The following FGF13 variants were observed in gnomAD, a reference collection of about 807,000 sequenced individuals.
FGF13 encodes fibroblast growth factor homologous factor 2.
In FGF13, 2 loss-of-function variants were observed where a neutral mutation model predicts 19.5. The observed-to-expected ratio is 0.10, with a 90% confidence interval of 0.04 to 0.32. The LOEUF is 0.32. Among genes scored for constraint, FGF13 ranks in the 10% least tolerant of loss-of-function variants. FGF13 has a pLI of 1.00. For missense variants in FGF13, 113 were observed against 192.7 expected (o/e 0.59, Z 2.45); for synonymous variants, 72 against 76.9 (o/e 0.94, Z 0.33).
At chrX:138,970,131 C>T (rs973100803) in intron 1 of FGF13, among the ~76,000 whole-genome samples, 1 of 111,434 alleles carries the variant, frequency 9.0e-6, no homozygotes. Flanking sequence ...CCTATTTATT[C>T]CTCATGGTAG....
At chrX:138,818,017 A>T (rs181239122) in intron 3 of FGF13, among the ~76,000 whole-genome samples, 1 of 110,973 alleles carries the variant, frequency 9.0e-6, no homozygotes, top group African/African-American at 3.3e-5. Context: ...CAGTTTGCAC[A>T]CTCCTGGTCT....
intron 1 of FGF13, among the ~76,000 whole-genome samples, chrX:138,970,961 T>C (rs1053891066): frequency 1.8e-5 from 2 of 111,920 alleles, no homozygotes; most frequent in Non-Finnish European, 3.8e-5. Context: ...AAGAGTAAAA[T>C]TCAAAAACCT....
intron 1 of FGF13, among the ~76,000 whole-genome samples, chrX:139,146,620 C>T (rs1358307663): frequency 6.3e-5 from 7 of 111,937 alleles, no homozygotes; most frequent in African/African-American, 2.3e-4. Context: ...CATTACTGGG[C>T]ATATACCCAA....
At chrX:138,778,467 C>T (rs932775014) in intron 3 of FGF13, among the ~76,000 whole-genome samples, 8 of 111,958 alleles carry the variant, frequency 7.1e-5, no homozygotes, top group East Asian at 2.8e-4. Context: ...GCACACCGTG[C>T]GCGAGCCGAA....
At chrX:139,025,484 T>C (rs1041536387) in intron 1 of FGF13, among the ~76,000 whole-genome samples, 2 of 111,137 alleles carry the variant, frequency 1.8e-5, no homozygotes, top group African/African-American at 6.5e-5. Context: ...CATTCAAGAG[T>C]GAGGACAGTG....
intron 1 of FGF13, among the ~76,000 whole-genome samples, chrX:138,916,737 T>C (rs2091620008): frequency 8.9e-6 from 1 of 112,259 alleles, no homozygotes; most frequent in African/African-American, 3.2e-5. Context: ...GAGACCAATA[T>C]GAGCAGAAGC....
intron 1 of FGF13, among the ~76,000 whole-genome samples, chrX:139,011,518 G>T (rs1255588461): frequency 9.0e-6 from 1 of 111,525 alleles, no homozygotes; most frequent in African/African-American, 3.3e-5. Context: ...TACTTGGGAT[G>T]CAGGGATAGT....
intron 3 of FGF13, among the ~76,000 whole-genome samples, chrX:138,666,416 A>G (rs1003309547): frequency 1.3e-4 from 15 of 112,072 alleles, no homozygotes; most frequent in African/African-American, 4.5e-4. Context: ...AGTACGTATG[A>G]CAATAATTGA....
intron 1 of FGF13, among the ~76,000 whole-genome samples, chrX:138,735,237 G>A (rs1212948792): frequency 3.6e-5 from 4 of 111,828 alleles, no homozygotes; most frequent in Non-Finnish European, 5.6e-5. Flanking sequence ...TTGTATTTAC[G>A]CAGAGATGCA....
intron 1 of FGF13, among the ~76,000 whole-genome samples, chrX:138,922,826 T>G (rs1303736526): frequency 8.9e-6 from 1 of 112,114 alleles, no homozygotes; most frequent in Non-Finnish European, 1.9e-5. Flanking sequence ...CATTTCTTTG[T>G]AAGATGCCCC....
chrX:138,746,400 C>A (rs1261120094), intron 3 of FGF13, among the ~76,000 whole-genome samples: 1 of 110,065 alleles, frequency 9.1e-6, no homozygotes, highest in African/African-American at 3.3e-5. Context: ...CCTACCAGAA[C>A]CTAGATCATT....
chrX:138,903,443 A>T (rs1298723721), intron 1 of FGF13, among the ~76,000 whole-genome samples: 1 of 111,835 alleles, frequency 8.9e-6, no homozygotes, highest in African/African-American at 3.3e-5. Flanking sequence ...GGTGGTTGGT[A>T]TCTTTGTTTC....
rs1480563377 is a variant in FGF13, at chrX:139,088,303, G to A, written c.-113+115113C>T. ...TAAGCTTTAGAACAAACAAGATTAA[G>A]GAGTTCAGTTTGTTTCTTGCCTATC... is the stretch of plus-strand genomic sequence containing the variant. On this transcript the variant is annotated intron_variant, in intron 1 of 2. Coordinates refer to the FGF13 transcript ENST00000421460. Among the ~76,000 whole-genome samples, 29 of 111,593 alleles carry A rather than the reference G, an allele frequency of 2.6e-4. No individual in the cohort carries two copies. The Admixed American group carries it at 2.8e-3, about 11-fold the overall frequency.
chrX:138,855,269 A>T (rs1417687416), downstream of FGF13, among the ~76,000 whole-genome samples: 1 of 111,713 alleles, frequency 9.0e-6, no homozygotes, highest in Non-Finnish European at 1.9e-5. Context: ...GCTCCACAGC[A>T]TGTTTTCTTT....
In FGF13 at chrX:138,877,228, GT is replaced by G. The variant is rs766764205; in HGVS notation, c.-112-12579del. Among the ~76,000 whole-genome samples the G allele has an allele frequency of 7.7e-4, 79 of 102,512 alleles. No homozygotes were observed. The East Asian group carries it at 0.013, about 16-fold the overall frequency. 89.0% of individuals were successfully genotyped at this position (102,512 alleles called of 115,157 possible). The stretch of plus-strand genomic sequence containing the variant: ...ACTGCACGTTCTGCACATGTATTCT[GT>G]TTTTTTTTTAAGAAGAAATGAAGAA... On this transcript the variant is annotated intron_variant, in intron 1 of 2. Coordinates refer to the FGF13 transcript ENST00000421460.
rs765589046 is a variant in FGF13 at position 138,710,804 on chromosome X, A to G, written c.187+13T>C. ...TAAAGTATGGGGAAAAGAAAGCAAAAGCCCTTTCCGACCTGGTCTTCTTCT... is the reference window on the plus strand; with the variant it reads ...TAAAGTATGGGGAAAAGAAAGCAAAGGCCCTTTCCGACCTGGTCTTCTTCT... On this transcript the variant is annotated intron_variant, in intron 1 of 4. Coordinates refer to ENST00000315930, the MANE Select transcript of FGF13 (RefSeq NM_004114.5). 6.6e-6 allele frequency: 8 copies of G among 1,210,563 alleles called. No homozygotes were observed. In the Admixed American group the frequency reaches 1.7e-4, roughly 26 times the overall value.
At chrX:138,763,916 G>C (rs1217001530) in intron 3 of FGF13, among the ~76,000 whole-genome samples, 1 of 111,286 alleles carries the variant, frequency 9.0e-6, no homozygotes, top group African/African-American at 3.3e-5. Context: ...CACACCAGCT[G>C]GCTGCTCCTT....
chrX:139,064,933 C>A (rs1804697673), intron 1 of FGF13, among the ~76,000 whole-genome samples: 2 of 111,322 alleles, frequency 1.8e-5, no homozygotes, highest in Admixed American at 1.9e-4. Context: ...TCTTCAATCT[C>A]TCATATCCTT....
At chrX:139,008,362 G>T (rs1047634285) in intron 1 of FGF13, among the ~76,000 whole-genome samples, 6 of 112,301 alleles carry the variant, frequency 5.3e-5, no homozygotes, top group Non-Finnish European at 1.1e-4. Context: ...TCTTGAAAGC[G>T]TCACCTCCTG....
Sources: allele counts gnomAD v4.1 joint callset (sites outside exome capture counted in the v4.1 genomes callset), GRCh38; gene constraint gnomAD v4.1.1; transcripts MANE v1.5; gene names NCBI Gene and HGNC (gene_info 2026-07-23, HGNC 2026-07-21).